Variants in ZBTB20 observed in about 807,000 individuals in gnomAD.
ZBTB20 encodes zinc finger and BTB domain containing 20.
In ZBTB20, 9 loss-of-function variants were observed where a neutral mutation model predicts 56.9. The ratio of observed to expected loss-of-function variants is 0.16; its 90% CI spans 0.10 to 0.28. The LOEUF (loss-of-function observed/expected upper bound fraction) is 0.28, where lower values mean the gene tolerates loss of function less well. Among genes scored for constraint, ZBTB20 ranks in the 10% least tolerant of loss-of-function variants. The pLI, the probability that ZBTB20 is intolerant of heterozygous loss-of-function variation, is 1.00. For synonymous variants in ZBTB20, 417 were observed against 420.7 expected (o/e 0.99, Z 0.11); for missense variants, 655 against 1,003.0 (o/e 0.65, Z 4.69).
chr3:115,075,536 T>G (rs143799843), intron 1 of ZBTB20, among the ~76,000 whole-genome samples: 1 of 152,296 alleles, frequency 6.6e-6, no homozygotes, highest in African/African-American at 2.4e-5. Context: ...TAGAAGGACA[T>G]TTAGGTTGTT....
chr3:114,769,576 T>TAC (rs1328664259), intron 5 of ZBTB20, among the ~76,000 whole-genome samples: 1 of 142,984 alleles, frequency 7.0e-6, no homozygotes, highest in African/African-American at 2.6e-5. Flanking sequence ...TATATATATA[T>TAC]ATATATATAT....
intron 7 of ZBTB20, among the ~76,000 whole-genome samples, chr3:114,472,265 A>C (rs193289915): frequency 6.6e-6 from 1 of 152,308 alleles, no homozygotes; most frequent in African/African-American, 2.4e-5. Flanking sequence ...TGGGACGTCA[A>C]AATTTTGCCT....
chr3:114,753,419 A>ATATATATATACACACACG (rs1239529612), intron 5 of ZBTB20, among the ~76,000 whole-genome samples: 56 of 141,718 alleles, frequency 4.0e-4, no homozygotes, highest in African/African-American at 1.5e-3. Context: ...ACACGTATAT[A>ATATATATATACACACACG]TATATATATA....
intron 5 of ZBTB20, among the ~76,000 whole-genome samples, chr3:114,705,431 C>T (rs971725680): frequency 2.0e-5 from 3 of 152,086 alleles, no homozygotes; most frequent in African/African-American, 7.2e-5. Context: ...TAATAACTTC[C>T]AGTCTATGAA....
intron 6 of ZBTB20, among the ~76,000 whole-genome samples, chr3:114,652,400 T>C (rs1269357674): frequency 6.6e-6 from 1 of 152,076 alleles, no homozygotes; most frequent in African/African-American, 2.4e-5. Flanking sequence ...AATTTGTATA[T>C]CCACTTTCCA....
At chr3:114,717,637 A>C (rs1468512107) in intron 5 of ZBTB20, among the ~76,000 whole-genome samples, 1 of 152,136 alleles carries the variant, frequency 6.6e-6, no homozygotes, top group Non-Finnish European at 1.5e-5. Flanking sequence ...GACTCCCTCC[A>C]GTTCACCCCC....
rs114835871 is a variant in ZBTB20, at chr3:115,129,159, T to C, written c.-703+18060A>G. ...AACATCATGTCTACTACTGGAAGAA[T>C]AGAGAATCTGAAGAAGATTAAACTA... On this transcript the variant is annotated intron_variant, in intron 1 of 11. Coordinates refer to ENST00000675478, the MANE Select transcript of ZBTB20 (RefSeq NM_001348800.3). 9.6e-3 allele frequency among the ~76,000 whole-genome samples: 1,460 copies of C among 152,180 alleles called. 18 individuals carry two copies. The highest frequency in any genetic ancestry group is 0.033 in the African/African-American group (1,384 of 41,524).
chr3:115,042,801 T>C (rs2108397633), intron 2 of ZBTB20, among the ~76,000 whole-genome samples: 1 of 152,326 alleles, frequency 6.6e-6, no homozygotes, highest in South Asian at 2.1e-4. Flanking sequence ...AATCTAAACT[T>C]ACTTACTTCT....
intron 1 of ZBTB20, among the ~76,000 whole-genome samples, chr3:115,118,481 G>A (rs1409062417): frequency 6.6e-6 from 1 of 151,990 alleles, no homozygotes; most frequent in Non-Finnish European, 1.5e-5. Flanking sequence ...CTGTCACTCT[G>A]TAATCATACT....
intron 6 of ZBTB20, among the ~76,000 whole-genome samples, chr3:114,602,027 C>T (rs567626774): frequency 3.3e-5 from 5 of 152,060 alleles, no homozygotes; most frequent in East Asian, 1.9e-4. Flanking sequence ...ACAGGGGATA[C>T]GTTAGATCAG....
At chr3:114,733,011 G>T (rs1360313617) in intron 5 of ZBTB20, among the ~76,000 whole-genome samples, 1 of 152,004 alleles carries the variant, frequency 6.6e-6, no homozygotes, top group African/African-American at 2.4e-5. Flanking sequence ...ATGAAATAGA[G>T]AATATAAAAT....
intron 5 of ZBTB20, among the ~76,000 whole-genome samples, chr3:114,775,472 A>T (rs531982034): frequency 1.7e-4 from 25 of 151,222 alleles, no homozygotes; most frequent in Admixed American, 1.6e-3. Context: ...TGCCTTATTT[A>T]ATTTTTTTTT....
At chr3:114,754,865 TTTAG>T (rs2067885756) in intron 5 of ZBTB20, among the ~76,000 whole-genome samples, 2 of 152,212 alleles carry the variant, frequency 1.3e-5, no homozygotes, top group South Asian at 2.1e-4. Context: ...GTATTAGTGT[TTTAG>T]TTAGTGTTAA....
At chr3:114,958,804 T>C (rs1172650574) in intron 3 of ZBTB20, among the ~76,000 whole-genome samples, 3 of 151,066 alleles carry the variant, frequency 2.0e-5, no homozygotes, top group East Asian at 1.9e-4. Context: ...TGAGCCGAGA[T>C]TGCACCACTG....
chr3:114,680,361 C>G (rs1054898582), intron 6 of ZBTB20, among the ~76,000 whole-genome samples: 3 of 152,102 alleles, frequency 2.0e-5, no homozygotes, highest in Non-Finnish European at 2.9e-5. Context: ...TCTTCTATAA[C>G]AGTATCTATT....
At position 114,335,299 on chromosome 3, in the gene ZBTB20, T is replaced by G. The variant is rs181249083; in HGVS notation, c.*3706A>C. 6.6e-6 allele frequency: 1 copy of G among 152,264 alleles called. No individual in the cohort carries two copies. Among genetic ancestry groups the G allele is most frequent in the Non-Finnish European group, 1.5e-5 (1 of 68,020 alleles). The allele number at this position is 152,264 out of a possible 1,614,324, so 9.4% of individuals were successfully genotyped here. A position where few individuals can be genotyped will look rare whatever the true frequency, so the allele number is the denominator to read the frequency against. ...TGTTTCCTGGCTACTAGAAAGAAAT[T>G]TTTTTAGCACTCATATCACCCTACC... On this transcript the variant is annotated 3_prime_UTR_variant, in exon 12 of 12. Transcript: ENST00000675478.
chr3:114,899,841 T>C (rs1023323665), intron 4 of ZBTB20, among the ~76,000 whole-genome samples: 1 of 152,026 alleles, frequency 6.6e-6, no homozygotes, highest in Admixed American at 6.6e-5. Flanking sequence ...CATTTTTTTT[T>C]CCCATTCGTC....
intron 6 of ZBTB20, among the ~76,000 whole-genome samples, chr3:114,560,983 T>C (rs2051959303): frequency 6.6e-6 from 1 of 152,224 alleles, no homozygotes; most frequent in African/African-American, 2.4e-5. Context: ...CTAAATATTT[T>C]GGTTGTCATT....
intron 2 of ZBTB20, among the ~76,000 whole-genome samples, chr3:114,991,713 C>A (rs2078818347): frequency 6.6e-6 from 1 of 152,044 alleles, no homozygotes; most frequent in East Asian, 1.9e-4. Flanking sequence ...GTGTTAAAGT[C>A]TCCCATTATT....
Sources: gnomAD v4.1 joint callset for allele counts (sites outside exome capture counted in the v4.1 genomes callset) on GRCh38, gnomAD v4.1.1 for gene constraint, MANE v1.5 for transcripts, NCBI Gene and HGNC (gene_info 2026-07-23, HGNC 2026-07-21) for gene names.